RELN: variants seen among roughly 807,000 people sequenced by gnomAD.
RELN encodes the protein reelin.
In RELN, 108 loss-of-function variants were observed where a neutral mutation model predicts 427.6. That is an observed-to-expected ratio of 0.25 (90% confidence interval 0.22 to 0.30). The LOEUF is 0.30. RELN is among the 10% of genes least tolerant of loss of function. The pLI is 1.00. For synonymous variants in RELN, 1,524 were observed against 1,513.4 expected (o/e 1.01, Z -0.16); for missense variants, 3,715 against 4,302.8 (o/e 0.86, Z 3.82).
rs533050788 is a variant in RELN at position 103,983,297 on chromosome 7, T to A, written c.226+5834A>T. On this transcript the variant is annotated intron_variant, in intron 1 of 64. Coordinates refer to ENST00000428762, the MANE Select transcript of RELN (RefSeq NM_005045.4). ...TATAGTTTTAGAGAAGCACACATTT[T>A]AAAAATAATTGGCTAACCTATAGGC... Among the ~76,000 whole-genome samples, 7 of 152,324 alleles carry A rather than the reference T, an allele frequency of 4.6e-5. No homozygotes were observed. In the East Asian group the frequency reaches 1.2e-3, roughly 25 times the overall value.
intron 7 of RELN, among the ~76,000 whole-genome samples, chr7:103,726,060 C>T (rs1293827787): frequency 2.0e-5 from 3 of 152,106 alleles, no homozygotes; most frequent in Non-Finnish European, 2.9e-5. Context: ...GGGCTGATAA[C>T]TTTCATTAGT....
rs1554442229 is a variant in RELN, at chr7:103,919,155, T to TTTAGA, written c.227-1971_227-1970insTCTAA. Reference sequence around the variant, plus strand: ...GGTCTTTTTTTTTTTTTTTTTTTTTTTAGAAAGAGGAGGAAATGTTGCCCA... The same window carrying TTTAGA: ...GGTCTTTTTTTTTTTTTTTTTTTTTTTTAGATAGAAAGAGGAGGAAATGTTGCCCA... On this transcript the variant is annotated intron_variant, in intron 1 of 64. Transcript: ENST00000428762. Among the ~76,000 whole-genome samples the TTTAGA allele has an allele frequency of 1.8e-3, 263 of 145,010 alleles. 2 individuals are homozygous for TTTAGA. The highest frequency in any genetic ancestry group is 6.2e-3 in the African/African-American group (228 of 36,896).
In RELN at chr7:103,483,737, T is replaced by C. The variant is rs148140675; in HGVS notation, c.10097A>G (p.Asn3366Ser). The C allele has an allele frequency of 2.6e-5, 42 of 1,614,072 alleles. No homozygotes were observed. The highest frequency in any genetic ancestry group is 3.5e-5 in the Non-Finnish European group (41 of 1,180,008). Residue 3366 changes from asparagine (N) to serine (S), a missense_variant, in exon 62 of 65, where the codon AAC (asparagine) becomes AGC (serine). Coordinates refer to ENST00000428762, the MANE Select transcript of RELN (RefSeq NM_005045.4). ...DKAVLLQYSV[N>S]NGITWHVIAQ... Reference sequence around the variant, plus strand: ...GATGACATGCCAGGTGATCCCGTTGTTGACGCTGTATTGCAGCAGCACTGC... The same window carrying C: ...GATGACATGCCAGGTGATCCCGTTGCTGACGCTGTATTGCAGCAGCACTGC...
intron 24 of RELN, among the ~76,000 whole-genome samples, chr7:103,601,806 G>A (rs1283302812): frequency 3.3e-5 from 5 of 152,182 alleles, no homozygotes; most frequent in African/African-American, 9.7e-5. Context: ...AAGCGACACA[G>A]GTTGAGGTAT....
At position 103,510,911 on chromosome 7, in the gene RELN, C is replaced by G; in HGVS notation, c.8214G>C (p.Arg2738=). 1 of 1,613,310 alleles carries G rather than the reference C, an allele frequency of 6.2e-7. No homozygotes were observed. Among genetic ancestry groups the G allele is most frequent in the Non-Finnish European group, 8.5e-7 (1 of 1,179,332 alleles). ...GVMLCGSHDG[R]EVYAVTHDLT... ...GGTCATGGGTCACTGCATACACCTC[C>G]CGTCCATCATGACTGCCACAGAGCA... Residue 2738 remains arginine (R), a synonymous_variant, in exon 51 of 65, where the codon CGG becomes CGC. Transcript: ENST00000428762.
At chr7:103,674,324 T>C (rs990424710) in intron 11 of RELN, among the ~76,000 whole-genome samples, 28 of 152,244 alleles carry the variant, frequency 1.8e-4, no homozygotes, top group African/African-American at 2.2e-4. Context: ...ATACTTGTTA[T>C]ACAATCTCTG....
In RELN at chr7:103,490,763, G is replaced by T. The variant is rs1562847406; in HGVS notation, c.9510C>A (p.Ser3170=). Residue 3170 remains serine, a synonymous_variant, in exon 59 of 65, where the codon TCC becomes TCA. Transcript: ENST00000428762. ...TGGTGGCTTCATGGAACTGGAAAGG[G>T]GAGCAGCCAATGCTGTTAGAAGAGG... The part of the protein sequence containing the change: ...LPSSSNSIGC[S]PFQFHEATIY... 1.9e-6 allele frequency: 3 copies of T among 1,614,066 alleles called. No homozygotes were observed. Among genetic ancestry groups the T allele is most frequent in the African/African-American group, 1.3e-5 (1 of 74,920 alleles).
At chr7:103,486,071 T>C in intron 61 of RELN, 126 bp downstream of exon 61, 2 of 866,540 alleles carry the variant, frequency 2.3e-6, no homozygotes, top group Non-Finnish European at 3.9e-6. Context: ...CAAATTCAAA[T>C]GACAGGTTTT....
intron 2 of RELN, among the ~76,000 whole-genome samples, chr7:103,835,467 T>G (rs1320250186): frequency 6.6e-6 from 1 of 152,190 alleles, no homozygotes; most frequent in Non-Finnish European, 1.5e-5. Context: ...GATGTGTCGA[T>G]GTAGGTTCAT....
intron 1 of RELN, among the ~76,000 whole-genome samples, chr7:103,926,780 G>A (rs185481992): frequency 2.0e-5 from 3 of 152,042 alleles, no homozygotes; most frequent in African/African-American, 7.2e-5. Context: ...GAGTAGCTCG[G>A]ATTACAGGCA....
intron 20 of RELN, among the ~76,000 whole-genome samples, chr7:103,623,309 A>C (rs1457833267): frequency 6.6e-6 from 1 of 152,218 alleles, no homozygotes; most frequent in Non-Finnish European, 1.5e-5. Flanking sequence ...TGCTCTTTTT[A>C]AGAGTCTTTG....
Position 103,516,286 on chromosome 7 carries a change from C to CTT in RELN, c.7863-847_7863-846dup, listed in dbSNP as rs3051646. Reference sequence around the variant, plus strand: ...ATTTACCATCCTCCTCACAAAGTATCTTTTTTTTTTTTTTTTGAGACAGAG... The same window carrying CTT: ...ATTTACCATCCTCCTCACAAAGTATCTTTTTTTTTTTTTTTTTTGAGACAGAG... On this transcript the variant is annotated intron_variant, in intron 49 of 64. Coordinates refer to ENST00000428762, the MANE Select transcript of RELN (RefSeq NM_005045.4). 2.4e-3 allele frequency among the ~76,000 whole-genome samples: 332 copies of CTT among 141,136 alleles called. 5 individuals are homozygous for CTT. The highest frequency in any genetic ancestry group is 6.6e-3 in the East Asian group (32 of 4,830). 92.6% of individuals were successfully genotyped at this position (141,136 alleles called of 152,430 possible). A position where few individuals can be genotyped will look rare whatever the true frequency, so the allele number is the denominator to read the frequency against.
chr7:103,612,881 TAG>T (rs964750322), intron 20 of RELN, among the ~76,000 whole-genome samples: 4 of 152,192 alleles, frequency 2.6e-5, no homozygotes, highest in African/African-American at 9.6e-5. Context: ...GATTAAAATA[TAG>T]ACATATTATA....
At chr7:103,651,875 A>T in intron 14 of RELN, 86 bp from the exon 15 acceptor site, 5 of 1,361,558 alleles carry the variant, frequency 3.7e-6, no homozygotes, top group Non-Finnish European at 5.2e-6. Flanking sequence ...GGTTAAGTAC[A>T]TTAAACAACT....
intron 2 of RELN, among the ~76,000 whole-genome samples, chr7:103,855,447 G>A (rs1793922793): frequency 6.6e-6 from 1 of 152,170 alleles, no homozygotes; most frequent in Admixed American, 6.5e-5. Flanking sequence ...AAAATGGATG[G>A]GTGCAGACCA....
chr7:103,857,973 A>G (rs1793984796), intron 2 of RELN, among the ~76,000 whole-genome samples: 1 of 151,968 alleles, frequency 6.6e-6, no homozygotes, highest in Non-Finnish European at 1.5e-5. Flanking sequence ...ACAACATAGT[A>G]ATGTTTTATA....
intron 6 of RELN, among the ~76,000 whole-genome samples, chr7:103,731,758 T>C (rs976307224): frequency 1.3e-5 from 2 of 152,128 alleles, no homozygotes; most frequent in African/African-American, 4.8e-5. Context: ...AGTGGACACC[T>C]TCCACTGCTC....
Position 103,681,347 on chromosome 7 carries a change from A to G in RELN, c.1289+769T>C, listed in dbSNP as rs113640106. Among the ~76,000 whole-genome samples, 1,365 of 152,330 alleles carry G rather than the reference A, an allele frequency of 9.0e-3. 27 individuals are homozygous for G. The highest frequency in any genetic ancestry group is 0.032 in the African/African-American group (1,315 of 41,576). ...ATGTTGTATTATGGAAAAGTTTGTC[A>G]GTCAATAGTTAAATTATTGCTATTT... On this transcript the variant is annotated intron_variant, in intron 11 of 64. Transcript: ENST00000428762.
intron 3 of RELN, among the ~76,000 whole-genome samples, chr7:103,823,264 A>G (rs969924738): frequency 1.3e-5 from 2 of 151,948 alleles, no homozygotes; most frequent in South Asian, 2.1e-4. Context: ...ATACTGCTGT[A>G]TTTTTGTAAT....
Sources: allele counts gnomAD v4.1 joint callset (sites outside exome capture counted in the v4.1 genomes callset), GRCh38; gene constraint gnomAD v4.1.1; transcripts MANE v1.5; gene names NCBI Gene and HGNC (gene_info 2026-07-23, HGNC 2026-07-21).